Variants in LRRC9 observed in about 807,000 individuals in gnomAD.
LRRC9 encodes leucine-rich repeat-containing protein 9.
LRRC9 carries 122 observed loss-of-function variants against 63.2 expected under a neutral mutation model. The observed-to-expected ratio is 1.93, with a 90% CI of 1.67 to 2.24. The LOEUF (loss-of-function observed/expected upper bound fraction) is 2.24, where lower values mean the gene tolerates loss of function less well. LRRC9 is among the 30% of genes most tolerant of loss of function. The pLI is 0.00. For missense variants in LRRC9, 1,071 were observed against 627.7 expected, an observed-to-expected ratio of 1.71 and a Z score of -7.55; for synonymous variants, 366 against 213.1, an observed-to-expected ratio of 1.72 and a Z score of -6.25.
At chr14:59,955,841 C>T (rs1317138011) in intron 8 of LRRC9, among the ~76,000 whole-genome samples, 1 of 152,118 alleles carries the variant, frequency 6.6e-6, no homozygotes, top group Non-Finnish European at 1.5e-5. Flanking sequence ...TACGTTGTCT[C>T]TTTGTTCTCA....
At chr14:60,018,333 A>T in intron 24 of LRRC9, 38 bp from the exon 25 acceptor site, 1 of 698,920 alleles carries the variant, frequency 1.4e-6, no homozygotes, top group Non-Finnish European at 2.6e-6. Flanking sequence ...TTCCTGTCCT[A>T]TTAAAATAAT....
chr14:60,047,378 A>G (rs1416449876), intron 29 of LRRC9, among the ~76,000 whole-genome samples: 1 of 152,132 alleles, frequency 6.6e-6, no homozygotes, highest in Non-Finnish European at 1.5e-5. Flanking sequence ...AATGCTTGAA[A>G]GACCCATCAG....
chr14:60,037,235 T>C (rs910174947), intron 29 of LRRC9, among the ~76,000 whole-genome samples: 2 of 152,232 alleles, frequency 1.3e-5, no homozygotes, highest in Non-Finnish European at 2.9e-5. Context: ...TATGTGTGCA[T>C]GTGTCTTTAT....
At chr14:60,054,500 A>G (rs1238838968) in intron 30 of LRRC9, among the ~76,000 whole-genome samples, 1 of 152,174 alleles carries the variant, frequency 6.6e-6, no homozygotes, top group Non-Finnish European at 1.5e-5. Context: ...ACATGTAAGG[A>G]AATTATTTTT....
At chr14:59,996,979 AATC>A (rs1464909171) in intron 17 of LRRC9, among the ~76,000 whole-genome samples, 1 of 152,204 alleles carries the variant, frequency 6.6e-6, no homozygotes, top group Admixed American at 6.5e-5. Flanking sequence ...AGTCATAAAA[AATC>A]ATCTTTAAGA....
chr14:59,993,350 C>T (rs1888380979), intron 17 of LRRC9, among the ~76,000 whole-genome samples: 1 of 152,242 alleles, frequency 6.6e-6, no homozygotes, highest in South Asian at 2.1e-4. Flanking sequence ...CCAGCCACTG[C>T]AAAAACATAA....
chr14:59,928,356 G>A (rs562390499), exon 3 of LRRC9: 20 of 692,774 alleles, frequency 2.9e-5, no homozygotes, highest in Middle Eastern at 2.3e-4. Flanking sequence ...GGGTATCCTC[G>A]TATAGTTGGA....
At chr14:59,967,045 A>C in intron 11 of LRRC9, 51 bp from the exon 12 acceptor site, 1 of 578,318 alleles carries the variant, frequency 1.7e-6, no homozygotes. Context: ...TCTATGGCTA[A>C]GCTTTTGTGA....
intron 8 of LRRC9, among the ~76,000 whole-genome samples, chr14:59,955,242 GA>G: frequency 6.6e-6 from 1 of 152,298 alleles, no homozygotes; most frequent in African/African-American, 2.4e-5. Flanking sequence ...TTGTACCTCT[GA>G]TAGAATGTGG....
chr14:60,029,653 T>A (rs1004030217), intron 28 of LRRC9, among the ~76,000 whole-genome samples: 2 of 152,026 alleles, frequency 1.3e-5, no homozygotes, highest in African/African-American at 4.8e-5. Flanking sequence ...ACCTCTCTAC[T>A]CCTCTATCCC....
chr14:59,987,754 T>TA (rs1390440138), intron 17 of LRRC9, among the ~76,000 whole-genome samples: 1 of 152,202 alleles, frequency 6.6e-6, no homozygotes, highest in Non-Finnish European at 1.5e-5. Context: ...CATTATTACT[T>TA]AATGCAGTTG....
intron 8 of LRRC9, among the ~76,000 whole-genome samples, chr14:59,952,393 A>G (rs1042584999): frequency 6.6e-6 from 1 of 152,008 alleles, no homozygotes; most frequent in Non-Finnish European, 1.5e-5. Flanking sequence ...GCCTGCGCCC[A>G]CTGTCTGGCA....
intron 3 of LRRC9, among the ~76,000 whole-genome samples, chr14:59,929,046 T>G (rs541017966): frequency 1.3e-5 from 2 of 151,932 alleles, no homozygotes; most frequent in African/African-American, 2.4e-5. Flanking sequence ...CAAAAGCAAT[T>G]GCAACAAAAG....
In LRRC9 at chr14:59,930,296, G is replaced by A. The variant is rs1401261258; in HGVS notation, c.268-622G>A. ...CATCACAGAAATGCACAGGGCATAC[G>A]TTTTGTCTTAGAAGTCCCTACACTA... On this transcript the variant is annotated intron_variant, in intron 3 of 31. Coordinates refer to ENST00000445360, the Ensembl canonical transcript of LRRC9. The surrounding 1 kb of genome is among the most constrained non-coding windows in gnomAD (Gnocchi z 4.9). Among the ~76,000 whole-genome samples, 7 of 151,730 alleles carry A rather than the reference G, an allele frequency of 4.6e-5. No homozygotes were observed. The highest frequency in any genetic ancestry group is 4.2e-4 in the South Asian group (2 of 4,814).
At chr14:59,941,074 A>G (rs1328953920) in intron 7 of LRRC9, among the ~76,000 whole-genome samples, 5 of 152,036 alleles carry the variant, frequency 3.3e-5, no homozygotes, top group African/African-American at 1.2e-4. Context: ...AGGACAAAAA[A>G]AAAACCCTTA....
At position 59,923,876 on chromosome 14, in the gene LRRC9, G is replaced by A. The variant is rs1888984090; in HGVS notation, c.-34+3993G>A. Among the ~76,000 whole-genome samples, 1 of 152,230 alleles carries A rather than the reference G, an allele frequency of 6.6e-6. No individual in the cohort carries two copies. Among genetic ancestry groups the A allele is most frequent in the South Asian group, 2.1e-4 (1 of 4,830 alleles). On this transcript the variant is annotated intron_variant, in intron 1 of 31. Transcript: ENST00000445360. This position sits in a 1 kb window ranked among gnomAD's most constrained non-coding sequence, Gnocchi z 4.2. ...GTATGGCGTGAACCCGGGAGGTGGA[G>A]CTTGCAGTGAGCTGAGATCGCGCCA...
At chr14:59,951,492 T>C (rs1883111282) in intron 8 of LRRC9, among the ~76,000 whole-genome samples, 1 of 140,670 alleles carries the variant, frequency 7.1e-6, no homozygotes, top group Non-Finnish European at 1.5e-5. Flanking sequence ...CCTTCTTCTC[T>C]CAGCTCGTCA....
intron 20 of LRRC9, among the ~76,000 whole-genome samples, chr14:60,002,666 A>G (rs1385142323): frequency 6.6e-6 from 1 of 152,218 alleles, no homozygotes; most frequent in African/African-American, 2.4e-5. Context: ...ATTCCAAAAA[A>G]TAAAAAACAG....
At chr14:60,035,642 T>C (rs576070851) in intron 29 of LRRC9, among the ~76,000 whole-genome samples, 10 of 152,214 alleles carry the variant, frequency 6.6e-5, no homozygotes, top group Non-Finnish European at 1.5e-4. Flanking sequence ...CAAAGATGAA[T>C]TGACTGTAAA....
Sources: gnomAD v4.1 joint callset for allele counts (sites outside exome capture counted in the v4.1 genomes callset) on GRCh38, gnomAD v4.1.1 for gene constraint, Gnocchi (gnomAD v3.1) non-coding constraint, MANE v1.5 for transcripts, NCBI Gene and HGNC (gene_info 2026-07-23, HGNC 2026-07-21) for gene names.